The following ESR1 variants were observed in gnomAD, a reference collection of about 807,000 sequenced individuals.
ESR1 encodes estrogen receptor.
A neutral mutation model predicts 52.7 loss-of-function variants in ESR1; 12 were observed. The observed-to-expected ratio is 0.23, with a 90% CI of 0.15 to 0.37. ESR1 has a LOEUF of 0.37. Ranked by LOEUF, ESR1 falls within the 10% of genes least tolerant of loss-of-function variation. The pLI is 1.00. For synonymous variants in ESR1, 305 were observed against 316.8 expected (o/e 0.96, Z 0.39); for missense variants, 584 against 779.7 (o/e 0.75, Z 2.99).
chr6:151,741,554 T>C (rs1783098451), intron 2 of ESR1, among the ~76,000 whole-genome samples: 1 of 152,206 alleles, frequency 6.6e-6, no homozygotes, highest in African/African-American at 2.4e-5. Context: ...GTTATCAATA[T>C]GCTCCCTGTT....
At chr6:152,106,984 A>G (rs2051074232), downstream of ESR1, among the ~76,000 whole-genome samples, 1 of 152,148 alleles carries the variant, frequency 6.6e-6, no homozygotes. Context: ...CCATGTTTTG[A>G]TGCTCACCTG....
At chr6:151,674,679 C>T (rs552037401) in intron 1 of ESR1, among the ~76,000 whole-genome samples, 2 of 152,328 alleles carry the variant, frequency 1.3e-5, no homozygotes, top group East Asian at 3.9e-4. Flanking sequence ...TCCATATCAT[C>T]TCCAGCATCT....
At chr6:151,796,355 A>T (rs892126799) in intron 2 of ESR1, among the ~76,000 whole-genome samples, 9 of 152,090 alleles carry the variant, frequency 5.9e-5, no homozygotes, top group African/African-American at 2.2e-4. Flanking sequence ...TTTCTTCAAT[A>T]TGTGTAGAAT....
At position 152,038,819 on chromosome 6, in the gene ESR1, C is replaced by T. The variant is rs189668982; in HGVS notation, c.1236-22172C>T. 6.2e-3 allele frequency among the ~76,000 whole-genome samples: 936 copies of T among 152,066 alleles called. 8 individuals are homozygous for T. Among genetic ancestry groups the T allele is most frequent in the African/African-American group, 0.021 (868 of 41,472 alleles). On this transcript the variant is annotated intron_variant, in intron 5 of 7. Coordinates refer to ENST00000206249, the MANE Select transcript of ESR1 (RefSeq NM_000125.4). ...CTAATTTTTGTATTTTTAGTAAAGA[C>T]GGGGTTTTGCCATCCTGGCCAGGCT...
intron 5 of ESR1, among the ~76,000 whole-genome samples, chr6:152,049,707 A>C (rs1317338598): frequency 6.6e-6 from 1 of 151,994 alleles, no homozygotes; most frequent in Non-Finnish European, 1.5e-5. Context: ...AAGAGGGAGG[A>C]AGAGAGAGTG....
intron 6 of ESR1, among the ~76,000 whole-genome samples, chr6:152,080,997 G>C (rs1174680350): frequency 6.6e-6 from 1 of 152,156 alleles, no homozygotes; most frequent in African/African-American, 2.4e-5. Context: ...CCTACGAAGA[G>C]ACATAGACTC....
intron 1 of ESR1, chr6:151,690,799 G>C (rs1463972267): frequency 6.6e-6 from 1 of 152,142 alleles, no homozygotes; most frequent in African/African-American, 2.4e-5. Flanking sequence ...TCTGCTCCAA[G>C]GATATTTTGC....
At chr6:151,776,145 G>A (rs1369571349) in intron 2 of ESR1, among the ~76,000 whole-genome samples, 1 of 152,174 alleles carries the variant, frequency 6.6e-6, no homozygotes, top group Non-Finnish European at 1.5e-5. Context: ...TGGGTCAGAG[G>A]GGATCTGAAA....
At chr6:151,713,065 T>C (rs536206289) in intron 2 of ESR1, among the ~76,000 whole-genome samples, 1 of 152,264 alleles carries the variant, frequency 6.6e-6, no homozygotes, top group South Asian at 2.1e-4. Flanking sequence ...TGAATTTTAT[T>C]GAAGGCCTTT....
chr6:151,734,537 G>A (rs1782492985), intron 2 of ESR1, among the ~76,000 whole-genome samples: 1 of 152,128 alleles, frequency 6.6e-6, no homozygotes, highest in Non-Finnish European at 1.5e-5. Context: ...TCTGGGGAGA[G>A]GGACTCACCA....
intron 1 of ESR1, among the ~76,000 whole-genome samples, chr6:151,680,969 C>G (rs1007461022): frequency 6.6e-6 from 1 of 152,132 alleles, no homozygotes; most frequent in Non-Finnish European, 1.5e-5. Context: ...GTAGACGCCC[C>G]GTCTCTGGGA....
intron 6 of ESR1, chr6:152,121,860 A>G (rs1163496756): frequency 6.5e-6 from 1 of 154,374 alleles, no homozygotes; most frequent in East Asian, 1.9e-4. Context: ...ACCTCTAAAA[A>G]AAAGTGCCTT....
intron 3 of ESR1, among the ~76,000 whole-genome samples, chr6:151,891,052 G>A (rs1794637528): frequency 6.6e-6 from 1 of 151,914 alleles, no homozygotes; most frequent in Non-Finnish European, 1.5e-5. Context: ...TTTGCTACAG[G>A]ATTTTGCTTT....
At chr6:151,864,995 A>T (rs147289758) in intron 2 of ESR1, among the ~76,000 whole-genome samples, 8,654 of 151,326 alleles carry the variant, frequency 0.057, 518 homozygotes, top group African/African-American at 0.2. Context: ...GTAAATGATG[A>T]GTTAATGGGT....
chr6:151,870,476 A>G (rs936520072), intron 2 of ESR1, among the ~76,000 whole-genome samples: 5 of 152,196 alleles, frequency 3.3e-5, no homozygotes, highest in Non-Finnish European at 7.3e-5. Flanking sequence ...GTCATCGTCA[A>G]GTTCTTTTTA....
intron 4 of ESR1, among the ~76,000 whole-genome samples, chr6:151,950,682 G>C (rs2036229039): frequency 6.6e-6 from 1 of 152,086 alleles, no homozygotes. Flanking sequence ...TCTGCAAGCT[G>C]AGAAATGCCA....
At chr6:152,008,103 G>A (rs188384748) in intron 4 of ESR1, among the ~76,000 whole-genome samples, 9 of 152,098 alleles carry the variant, frequency 5.9e-5, no homozygotes, top group Admixed American at 4.6e-4. Flanking sequence ...TTTATTCCAC[G>A]CTGAAAAGGT....
chr6:152,055,075 T>C (rs1453852361), intron 5 of ESR1, among the ~76,000 whole-genome samples: 1 of 152,188 alleles, frequency 6.6e-6, no homozygotes, highest in Non-Finnish European at 1.5e-5. Flanking sequence ...TTATTTTTTT[T>C]TGCTCATCTG....
chr6:152,038,433 A>G (rs1456189178), intron 5 of ESR1, among the ~76,000 whole-genome samples: 1 of 152,178 alleles, frequency 6.6e-6, no homozygotes, highest in African/African-American at 2.4e-5. Context: ...AATAATAACC[A>G]TCACAAGTCC....
Sources: gnomAD v4.1 joint callset for allele counts (sites outside exome capture counted in the v4.1 genomes callset) on GRCh38, gnomAD v4.1.1 for gene constraint, MANE v1.5 for transcripts, NCBI Gene and HGNC (gene_info 2026-07-23, HGNC 2026-07-21) for gene names.